The following SPECC1 variants were observed in gnomAD, a reference collection of about 807,000 sequenced individuals.
The protein encoded by SPECC1 is sperm antigen with calponin homology and coiled-coil domains 1, also known as cytospin-B.
In SPECC1, 62 loss-of-function variants were observed where a neutral mutation model predicts 104.1. That is an observed-to-expected ratio of 0.60 (90% confidence interval 0.49 to 0.74). The LOEUF (loss-of-function observed/expected upper bound fraction) is 0.74, where lower values mean the gene tolerates loss of function less well. Ranked by LOEUF, SPECC1 falls within the 30% of genes least tolerant of loss-of-function variation. The pLI is 0.00. For missense variants in SPECC1, 1,306 were observed against 1,310.5 expected, an observed-to-expected ratio of 1.00 and a Z score of 0.05; for synonymous variants, 513 against 501.6, an observed-to-expected ratio of 1.02 and a Z score of -0.30.
At chr17:20,279,996 G>A (rs2040712180) in intron 12 of SPECC1, among the ~76,000 whole-genome samples, 1 of 152,192 alleles carries the variant, frequency 6.6e-6, no homozygotes. Context: ...ATAGTCGCAT[G>A]TGTGTTGTTG....
At chr17:20,105,069 A>G (rs2048129851) in intron 2 of SPECC1, among the ~76,000 whole-genome samples, 1 of 152,010 alleles carries the variant, frequency 6.6e-6, no homozygotes. Context: ...GCACAACTCT[A>G]GAGATACGCC....
At chr17:20,296,893 T>C (rs2041370207) in intron 12 of SPECC1, 68 bp from the exon 13 acceptor site, 2 of 1,399,572 alleles carry the variant, frequency 1.4e-6, no homozygotes, top group Non-Finnish European at 2.0e-6. Flanking sequence ...CTTATCACAA[T>C]CTTCCTCATC....
At chr17:20,162,761 C>G (rs944128714) in intron 3 of SPECC1, among the ~76,000 whole-genome samples, 3 of 152,222 alleles carry the variant, frequency 2.0e-5, no homozygotes, top group Non-Finnish European at 4.4e-5. Flanking sequence ...GGTGCAGTGG[C>G]TCACGCCTGT....
At chr17:20,057,004 T>C (rs1283783374) in intron 1 of SPECC1, among the ~76,000 whole-genome samples, 3 of 152,130 alleles carry the variant, frequency 2.0e-5, no homozygotes, top group Non-Finnish European at 2.9e-5. Flanking sequence ...TCAGGAATGA[T>C]GATGAGTGTT....
intron 2 of SPECC1, among the ~76,000 whole-genome samples, chr17:20,107,520 G>A (rs886613482): frequency 8.0e-5 from 12 of 149,268 alleles, no homozygotes; most frequent in Non-Finnish European, 1.5e-4. Context: ...GCAGTGGCGC[G>A]ATCTCGGCTC....
At chr17:20,298,948 A>AGAGAGAGAGTGTGTGTGTGT in intron 13 of SPECC1, among the ~76,000 whole-genome samples, 31 of 49,066 alleles carry the variant, frequency 6.3e-4, no homozygotes, top group African/African-American at 2.3e-3. Context: ...AGAGAGAGAG[A>AGAGAGAGAGTGTGTGTGTGT]GTGTGTGTGT....
intron 12 of SPECC1, among the ~76,000 whole-genome samples, chr17:20,288,245 G>C (rs534558860): frequency 6.6e-6 from 1 of 152,138 alleles, no homozygotes; most frequent in Non-Finnish European, 1.5e-5. Context: ...TGGTGCTGCA[G>C]TGGACATAAC....
intron 1 of SPECC1, among the ~76,000 whole-genome samples, chr17:20,021,683 A>AAT (rs201043286): frequency 1.5e-3 from 199 of 132,348 alleles, no homozygotes; most frequent in African/African-American, 4.6e-3. Context: ...ATAATATAAT[A>AAT]ATATATATAT....
At chr17:20,071,866 T>C (rs553344149) in intron 1 of SPECC1, among the ~76,000 whole-genome samples, 240 of 152,374 alleles carry the variant, frequency 1.6e-3, no homozygotes, top group Non-Finnish European at 2.2e-3. Flanking sequence ...TATCTTTCTA[T>C]TAATAGATTT....
chr17:20,102,597 C>T (rs2047995418), intron 2 of SPECC1, among the ~76,000 whole-genome samples: 1 of 152,164 alleles, frequency 6.6e-6, no homozygotes, highest in Admixed American at 6.5e-5. Context: ...TGTGTGTTAT[C>T]TCTAGCTGTG....
Position 20,245,554 on chromosome 17 carries a change from G to A in SPECC1, c.2352-372G>A, listed in dbSNP as rs149553763. On this transcript the variant is annotated intron_variant, in intron 7 of 14. Coordinates refer to ENST00000395527, the MANE Select transcript of SPECC1 (RefSeq NM_001243439.2). ...GGGGTTGGAGCACATGTCGGCAGCC[G>A]GTCCACTGCATTCACCATTGACAGT... Among the ~76,000 whole-genome samples the A allele has an allele frequency of 1.6e-3, 248 of 152,074 alleles. 1 individual carries two copies. The highest frequency in any genetic ancestry group is 5.7e-3 in the African/African-American group (237 of 41,480).
intron 3 of SPECC1, among the ~76,000 whole-genome samples, chr17:20,201,304 A>C (rs1411314815): frequency 5.3e-5 from 8 of 151,964 alleles, no homozygotes; most frequent in Non-Finnish European, 7.4e-5. Context: ...TACTAAAAAA[A>C]AAAAAACAAA....
At chr17:20,196,830 A>G (rs957651557) in intron 3 of SPECC1, among the ~76,000 whole-genome samples, 1 of 152,246 alleles carries the variant, frequency 6.6e-6, no homozygotes, top group Non-Finnish European at 1.5e-5. Flanking sequence ...AAAGCATTTA[A>G]CAAACTTAAT....
intron 1 of SPECC1, among the ~76,000 whole-genome samples, chr17:20,055,103 C>T (rs1395713293): frequency 2.0e-5 from 3 of 152,174 alleles, no homozygotes; most frequent in East Asian, 1.9e-4. Context: ...CGCCCTGCAG[C>T]TCCAGGTAAC....
At chr17:20,100,221 G>A (rs576714774) in intron 2 of SPECC1, among the ~76,000 whole-genome samples, 5 of 152,214 alleles carry the variant, frequency 3.3e-5, no homozygotes, top group African/African-American at 1.2e-4. Flanking sequence ...AAATGATAGG[G>A]CTTGAGGGAA....
intron 3 of SPECC1, among the ~76,000 whole-genome samples, chr17:20,193,490 C>T (rs1004099076): frequency 7.2e-5 from 11 of 151,784 alleles, no homozygotes; most frequent in African/African-American, 2.7e-4. Context: ...TCTTCTATAA[C>T]TCCTTCAGGC....
At chr17:20,276,130 C>A in intron 12 of SPECC1, among the ~76,000 whole-genome samples, 1 of 151,076 alleles carries the variant, frequency 6.6e-6, no homozygotes, top group Non-Finnish European at 1.5e-5. Context: ...TCTTTTTTTC[C>A]CCCAGAGTTG....
At chr17:20,276,150 T>C (rs1045482884) in intron 12 of SPECC1, among the ~76,000 whole-genome samples, 1 of 152,210 alleles carries the variant, frequency 6.6e-6, no homozygotes, top group Admixed American at 6.5e-5. Context: ...GGAGTCTTGC[T>C]CTGTTGCCCA....
chr17:20,239,199 T>G, intron 7 of SPECC1: 1 of 1,020,426 alleles, frequency 9.8e-7, no homozygotes. Flanking sequence ...CATTTAAATA[T>G]GAATAGATTG....
Sources: allele counts gnomAD v4.1 joint callset (sites outside exome capture counted in the v4.1 genomes callset), GRCh38; gene constraint gnomAD v4.1.1; transcripts MANE v1.5; gene names NCBI Gene and HGNC (gene_info 2026-07-23, HGNC 2026-07-21).